The following MYPOP variants were observed in gnomAD, a reference collection of about 807,000 sequenced individuals.
MYPOP encodes myb-related transcription factor, partner of profilin.
A neutral mutation model predicts 25.7 loss-of-function variants in MYPOP; 21 were observed. The observed-to-expected ratio is 0.82, with a 90% CI of 0.58 to 1.18. MYPOP has a LOEUF of 1.18. MYPOP is among the 50% of genes most tolerant of loss of function. The probability of loss-of-function intolerance (pLI) is 0.00; values close to 1 mark genes in which losing one functional copy is unlikely to be tolerated. For missense variants in MYPOP, 566 were observed against 588.3 expected (o/e 0.96, Z 0.39); for synonymous variants, 280 against 247.9 (o/e 1.13, Z -1.22).
In MYPOP at chr19:45,890,853, G is replaced by A; in HGVS notation, c.970C>T (p.Leu324=). The A allele has an allele frequency of 7.0e-7, 1 of 1,431,450 alleles. No homozygotes were observed. Among genetic ancestry groups the A allele is most frequent in the Non-Finnish European group, 9.1e-7 (1 of 1,093,936 alleles). The allele number at this position is 1,431,450 out of a possible 1,614,324, so 88.7% of individuals were successfully genotyped here. The change falls in exon 3 of 3, where the codon CTG becomes TTG. Residue 324 remains leucine, a synonymous_variant. Transcript: ENST00000322217. ...PPPPPPPRPV[L]PPPAPKVEIT... is the part of the protein sequence containing the mutation. The stretch of plus-strand genomic sequence containing the variant: ...TCCACCTTGGGGGCCGGTGGGGGCA[G>A]GACAGGCCTGGGAGGTGGCGGTGGG...
intron 2 of MYPOP, among the ~76,000 whole-genome samples, chr19:45,899,094 C>T (rs1382506710): frequency 3.9e-5 from 6 of 152,094 alleles, no homozygotes; most frequent in African/African-American, 9.7e-5. Flanking sequence ...GGCATGGTGG[C>T]GCATGCCTGT....
rs1277159929 is a variant in MYPOP at position 45,901,223 on chromosome 19, T to C, written c.499+52A>G. The stretch of plus-strand genomic sequence containing the variant: ...GCTGCAGCAAGGCTTTGATGAGACA[T>C]GTAAAAGGCTTGCAACAGCGCAGGC... On this transcript the variant is annotated intron_variant, in intron 2 of 2. Transcript: ENST00000322217. This position sits in a 1 kb window ranked among gnomAD's most constrained non-coding sequence, Gnocchi z 5.7. The C allele has an allele frequency of 8.6e-6, 12 of 1,390,958 alleles. No individual in the cohort carries two copies. Among genetic ancestry groups the C allele is most frequent in the Admixed American group, 3.5e-5 (1 of 28,834 alleles). The allele number at this position is 1,390,958 out of a possible 1,614,324, so 86.2% of individuals were successfully genotyped here.
At position 45,901,940 on chromosome 19, in the gene MYPOP, G is replaced by A. The variant is rs995502256; in HGVS notation, c.-52-115C>T. 6.6e-6 allele frequency: 3 copies of A among 452,970 alleles called. No homozygotes were observed. The highest frequency in any genetic ancestry group is 1.1e-5 in the Non-Finnish European group (3 of 285,438). The allele number at this position is 452,970 out of a possible 1,614,324, so 28.1% of individuals were successfully genotyped here. ...CCCCGGGGGCAGGAGTGGGGGCGGG[G>A]GGCGGGCGGGGGCGACGGGCACCCG... On this transcript the variant is annotated intron_variant, in intron 1 of 2. Coordinates refer to ENST00000322217, the MANE Select transcript of MYPOP (RefSeq NM_001012643.4). The surrounding 1 kb of genome is among the most constrained non-coding windows in gnomAD (Gnocchi z 5.7).
intron 2 of MYPOP, among the ~76,000 whole-genome samples, chr19:45,899,526 A>T (rs1006326686): frequency 4.6e-5 from 7 of 151,978 alleles, no homozygotes; most frequent in Non-Finnish European, 1.0e-4. Flanking sequence ...GGAGATTTTC[A>T]TGCCTCCTGA....
At chr19:45,895,335 T>C (rs1158112495) in intron 2 of MYPOP, among the ~76,000 whole-genome samples, 1 of 152,164 alleles carries the variant, frequency 6.6e-6, no homozygotes, top group East Asian at 1.9e-4. Flanking sequence ...AACCTCTGCC[T>C]CCTGGGCTCA....
intron 2 of MYPOP, among the ~76,000 whole-genome samples, chr19:45,899,908 A>T (rs1462033342): frequency 6.6e-6 from 1 of 152,170 alleles, no homozygotes; most frequent in Non-Finnish European, 1.5e-5. Context: ...AGCCACGTGT[A>T]ATCTAATTCT....
rs1184785581 is a variant in MYPOP at position 45,901,966 on chromosome 19, G to A, written c.-52-141C>T. On this transcript the variant is annotated intron_variant, in intron 1 of 2. Transcript: ENST00000322217. This position sits in a 1 kb window ranked among gnomAD's most constrained non-coding sequence, Gnocchi z 5.7. The stretch of plus-strand genomic sequence containing the variant: ...GGCGGGCGGGGGCGACGGGCACCCG[G>A]GTAAGTCGGAAGCGCCTAAGAGTAG... The A allele has an allele frequency of 5.1e-6, 2 of 394,532 alleles. No homozygotes were observed. Among genetic ancestry groups the A allele is most frequent in the African/African-American group, 2.1e-5 (1 of 47,502 alleles). The allele number at this position is 394,532 out of a possible 1,614,324, so 24.4% of individuals were successfully genotyped here.
chr19:45,893,568 C>CA (rs35882237), intron 2 of MYPOP, among the ~76,000 whole-genome samples: 1,033 of 82,220 alleles, frequency 0.013, 14 homozygotes, highest in African/African-American at 0.021. Context: ...AACTCCGTCT[C>CA]AAAAAAAAAA....
At chr19:45,897,483 A>C (rs1320774346) in intron 2 of MYPOP, among the ~76,000 whole-genome samples, 1 of 152,152 alleles carries the variant, frequency 6.6e-6, no homozygotes. Context: ...CTACTGAGTA[A>C]AAAGGAACAG....
At chr19:45,895,881 CT>C (rs1344032423) in intron 2 of MYPOP, among the ~76,000 whole-genome samples, 4 of 152,012 alleles carry the variant, frequency 2.6e-5, no homozygotes, top group African/African-American at 9.7e-5. Flanking sequence ...ATGTTCCTTC[CT>C]CGGGGAAGCT....
chr19:45,893,249 T>A (rs12976390), intron 2 of MYPOP, among the ~76,000 whole-genome samples: 13,877 of 149,110 alleles, frequency 0.093, 719 homozygotes, highest in Non-Finnish European at 0.13. Flanking sequence ...CACTCCAGCC[T>A]GGGCAACAGA....
At chr19:45,891,407 C>T in intron 2 of MYPOP, 84 bp from the exon 3 acceptor site, 5 of 1,388,388 alleles carry the variant, frequency 3.6e-6, no homozygotes, top group Non-Finnish European at 4.7e-6. Flanking sequence ...CCCTCACCTC[C>T]CCCCTACCCG....
chr19:45,898,928 A>G (rs575153047), intron 2 of MYPOP, among the ~76,000 whole-genome samples: 14 of 152,206 alleles, frequency 9.2e-5, no homozygotes, highest in East Asian at 1.9e-4. Flanking sequence ...CTCCAACTAC[A>G]TAGAATGTCA....
chr19:45,896,614 C>T (rs1307570276), intron 2 of MYPOP, among the ~76,000 whole-genome samples: 1 of 148,796 alleles, frequency 6.7e-6, no homozygotes, highest in East Asian at 2.0e-4. Flanking sequence ...CTCCAGAGTC[C>T]ATTCTTTTTT....
chr19:45,899,966 G>T (rs1318290579), intron 2 of MYPOP, among the ~76,000 whole-genome samples: 1 of 152,188 alleles, frequency 6.6e-6, no homozygotes, highest in Non-Finnish European at 1.5e-5. Context: ...TTATTGCTGG[G>T]CAATCTTGCT....
chr19:45,899,179 T>C (rs1210620683), intron 2 of MYPOP, among the ~76,000 whole-genome samples: 1 of 152,116 alleles, frequency 6.6e-6, no homozygotes, highest in Non-Finnish European at 1.5e-5. Context: ...TGAGCCGAGA[T>C]TGCGCCATTT....
rs1967099981 is a variant in MYPOP, at chr19:45,890,445, G to C, written c.*178C>G. ...GCACTGTACCAGAGAAAGGGGTTGG[G>C]GGGGCCCATTACTGAGGCCCCCCCC... On this transcript the variant is annotated 3_prime_UTR_variant, in exon 3 of 3. Coordinates refer to ENST00000322217, the MANE Select transcript of MYPOP (RefSeq NM_001012643.4). 2.0e-6 allele frequency: 2 copies of C among 1,002,726 alleles called. No homozygotes were observed. Among genetic ancestry groups the C allele is most frequent in the Non-Finnish European group, 2.8e-6 (2 of 718,000 alleles). The allele number at this position is 1,002,726 out of a possible 1,614,324, so 62.1% of individuals were successfully genotyped here. A position where few individuals can be genotyped will look rare whatever the true frequency, so the allele number is the denominator to read the frequency against.
At chr19:45,898,588 A>G (rs1290250210) in intron 2 of MYPOP, among the ~76,000 whole-genome samples, 3 of 150,096 alleles carry the variant, frequency 2.0e-5, no homozygotes, top group Non-Finnish European at 3.0e-5. Flanking sequence ...CTCCCAAAGA[A>G]CTAGTATTAC....
intron 2 of MYPOP, among the ~76,000 whole-genome samples, chr19:45,900,255 T>G (rs1211324805): frequency 1.3e-5 from 2 of 152,184 alleles, no homozygotes; most frequent in Non-Finnish European, 2.9e-5. Flanking sequence ...CTCAAAATGT[T>G]ACTTTTCTTC....
Sources: gnomAD v4.1 joint callset for allele counts (sites outside exome capture counted in the v4.1 genomes callset) on GRCh38, gnomAD v4.1.1 for gene constraint, Gnocchi (gnomAD v3.1) non-coding constraint, MANE v1.5 for transcripts, NCBI Gene and HGNC (gene_info 2026-07-23, HGNC 2026-07-21) for gene names.